SLC20A2: variants seen among roughly 807,000 people sequenced by gnomAD.
SLC20A2 encodes the protein sodium-dependent phosphate transporter 2.
In SLC20A2, 30 loss-of-function variants were observed where a neutral mutation model predicts 61.0. That is an observed-to-expected ratio of 0.49 (90% confidence interval 0.37 to 0.67). The LOEUF (loss-of-function observed/expected upper bound fraction) is 0.67, where lower values mean the gene tolerates loss of function less well. Among genes scored for constraint, SLC20A2 ranks in the 30% least tolerant of loss-of-function variants. The probability of loss-of-function intolerance (pLI) is 0.00; values close to 1 mark genes in which losing one functional copy is unlikely to be tolerated. For synonymous variants in SLC20A2, 351 were observed against 353.3 expected (o/e 0.99, Z 0.07); for missense variants, 626 against 866.4 (o/e 0.72, Z 3.48).
intron 1 of SLC20A2, among the ~76,000 whole-genome samples, chr8:42,526,978 G>A (rs539640429): frequency 5.9e-5 from 9 of 151,626 alleles, no homozygotes; most frequent in East Asian, 3.9e-4. Flanking sequence ...GGTGGCGTGC[G>A]CCTATAGTAC....
chr8:42,434,723 G>C (rs368242512), intron 8 of SLC20A2, among the ~76,000 whole-genome samples: 57 of 152,292 alleles, frequency 3.7e-4, no homozygotes, highest in African/African-American at 1.2e-3. Context: ...ATGACTTCTA[G>C]AATGGTGCTT....
At chr8:42,474,534 A>G (rs1467999504) in intron 1 of SLC20A2, among the ~76,000 whole-genome samples, 1 of 152,214 alleles carries the variant, frequency 6.6e-6, no homozygotes, top group Non-Finnish European at 1.5e-5. Flanking sequence ...TTTTATTAAT[A>G]TGACAGGCAC....
chr8:42,496,039 C>T (rs891392705), intron 1 of SLC20A2, among the ~76,000 whole-genome samples: 14 of 152,332 alleles, frequency 9.2e-5, no homozygotes, highest in Admixed American at 3.3e-4. Context: ...CGTGAGCCAC[C>T]ACACCCGGCC....
At chr8:42,467,461 C>G (rs1179625163) in intron 2 of SLC20A2, among the ~76,000 whole-genome samples, 2 of 152,180 alleles carry the variant, frequency 1.3e-5, no homozygotes, top group Non-Finnish European at 2.9e-5. Flanking sequence ...GAACAAAGGG[C>G]CTGGCTGATA....
chr8:42,522,688 A>G (rs1042891797), intron 1 of SLC20A2, among the ~76,000 whole-genome samples: 1 of 80,742 alleles, frequency 1.2e-5, no homozygotes, highest in Admixed American at 1.3e-4. Context: ...CTCAAAAAAA[A>G]AGGTATTATT....
chr8:42,452,620 T>C (rs1364560273), intron 5 of SLC20A2, among the ~76,000 whole-genome samples: 1 of 117,790 alleles, frequency 8.5e-6, no homozygotes, highest in Admixed American at 9.9e-5. Context: ...GAGGAAGAGA[T>C]GAAGAGGGGG....
chr8:42,442,048 C>T (rs1056806911), intron 6 of SLC20A2, among the ~76,000 whole-genome samples: 2 of 152,176 alleles, frequency 1.3e-5, no homozygotes, highest in Non-Finnish European at 2.9e-5. Context: ...ATTCTCCTGC[C>T]TCAGCCTCCC....
intron 1 of SLC20A2, among the ~76,000 whole-genome samples, chr8:42,499,264 C>T (rs1054998547): frequency 1.6e-4 from 25 of 152,112 alleles, no homozygotes; most frequent in African/African-American, 6.0e-4. Context: ...CATGATTTGT[C>T]GCCCAAGGTC....
intron 2 of SLC20A2, 132 bp from the exon 3 acceptor site, chr8:42,466,049 C>T (rs371494262): frequency 2.2e-5 from 18 of 822,670 alleles, no homozygotes; most frequent in Middle Eastern, 6.0e-4. Flanking sequence ...CTTTACAAAG[C>T]GCTACAGCCT....
chr8:42,519,227 C>T (rs1811497091), intron 1 of SLC20A2, among the ~76,000 whole-genome samples: 2 of 151,770 alleles, frequency 1.3e-5, no homozygotes, highest in South Asian at 2.1e-4. Flanking sequence ...AGACAGATCA[C>T]GAGGTCAAGG....
intron 1 of SLC20A2, among the ~76,000 whole-genome samples, chr8:42,532,753 C>A (rs73675078): frequency 6.6e-6 from 1 of 152,072 alleles, no homozygotes; most frequent in African/African-American, 2.4e-5. Context: ...AGATAAGACA[C>A]ACGGGAGACC....
At chr8:42,453,973 G>C (rs1009767779) in intron 5 of SLC20A2, among the ~76,000 whole-genome samples, 1 of 152,090 alleles carries the variant, frequency 6.6e-6, no homozygotes, top group African/African-American at 2.4e-5. Context: ...GCCAACTTAA[G>C]GGACTTGAAT....
chr8:42,430,507 C>T (rs903753992), intron 8 of SLC20A2, among the ~76,000 whole-genome samples: 2 of 152,038 alleles, frequency 1.3e-5, no homozygotes, highest in Non-Finnish European at 2.9e-5. Flanking sequence ...AGACTACAGC[C>T]GCGGGCCACC....
At chr8:42,436,857 C>T in intron 8 of SLC20A2, 132 bp downstream of exon 8, 1 of 781,158 alleles carries the variant, frequency 1.3e-6, no homozygotes, top group Admixed American at 2.9e-5. Flanking sequence ...GTCTGTCCAC[C>T]GCCTGCGCAC....
chr8:42,485,263 C>T (rs905069985), intron 1 of SLC20A2, among the ~76,000 whole-genome samples: 4 of 152,066 alleles, frequency 2.6e-5, no homozygotes, highest in Admixed American at 6.6e-5. Flanking sequence ...GGACACAATG[C>T]GTACAAATAA....
intron 1 of SLC20A2, among the ~76,000 whole-genome samples, chr8:42,526,665 T>C (rs2131417849): frequency 1.9e-5 from 2 of 107,378 alleles, no homozygotes; most frequent in South Asian, 7.2e-4. Context: ...AGAGAGAGAC[T>C]CTGTCTCAAA....
chr8:42,490,116 G>A (rs1809399459), intron 1 of SLC20A2, among the ~76,000 whole-genome samples: 1 of 152,118 alleles, frequency 6.6e-6, no homozygotes, highest in Non-Finnish European at 1.5e-5. Context: ...CTAGTTAGTG[G>A]GGAGATAGAA....
chr8:42,444,169 G>A (rs565718381), intron 6 of SLC20A2, among the ~76,000 whole-genome samples: 1 of 152,190 alleles, frequency 6.6e-6, no homozygotes, highest in African/African-American at 2.4e-5. Context: ...CACATGGTAA[G>A]TGTAAGGTGA....
intron 1 of SLC20A2, among the ~76,000 whole-genome samples, chr8:42,483,913 T>A (rs185012258): frequency 2.5e-4 from 38 of 152,370 alleles, no homozygotes; most frequent in Admixed American, 2.5e-3. Flanking sequence ...GTTTATTTGC[T>A]AACTTTGTTT....
Sources: gnomAD v4.1 joint callset for allele counts (sites outside exome capture counted in the v4.1 genomes callset) on GRCh38, gnomAD v4.1.1 for gene constraint, MANE v1.5 for transcripts, NCBI Gene and HGNC (gene_info 2026-07-23, HGNC 2026-07-21) for gene names.